CABLES1: variants seen among roughly 807,000 people sequenced by gnomAD.
The protein encoded by CABLES1 is CDK5 and ABL1 enzyme substrate 1.
In CABLES1, 36 loss-of-function variants were observed where a neutral mutation model predicts 57.8. That is an observed-to-expected ratio of 0.62 (90% confidence interval 0.48 to 0.82). CABLES1 has a LOEUF of 0.82. Among genes scored for constraint, CABLES1 ranks in the 40% least tolerant of loss-of-function variants. The probability of loss-of-function intolerance (pLI) is 0.00; values close to 1 mark genes in which losing one functional copy is unlikely to be tolerated. For missense variants in CABLES1, 767 were observed against 836.6 expected, an observed-to-expected ratio of 0.92 and a Z score of 1.03; for synonymous variants, 374 against 363.0, an observed-to-expected ratio of 1.03 and a Z score of -0.35.
At chr18:23,186,571 A>G (rs1289235189) in intron 1 of CABLES1, among the ~76,000 whole-genome samples, 1 of 151,882 alleles carries the variant, frequency 6.6e-6, no homozygotes, top group Non-Finnish European at 1.5e-5. Context: ...GATTACAAGC[A>G]TGCACCACCA....
intron 2 of CABLES1, among the ~76,000 whole-genome samples, chr18:23,192,467 G>C (rs2047251159): frequency 6.6e-6 from 1 of 152,220 alleles, no homozygotes; most frequent in Admixed American, 6.5e-5. Context: ...TCCTTCGTCT[G>C]TGCTGGCGTC....
At chr18:23,181,687 G>A (rs2047168121) in intron 1 of CABLES1, among the ~76,000 whole-genome samples, 1 of 152,100 alleles carries the variant, frequency 6.6e-6, no homozygotes, top group Admixed American at 6.6e-5. Context: ...GCCAAGCATG[G>A]TCCCTTCCTA....
chr18:23,219,083 C>T, intron 4 of CABLES1: 1 of 425,818 alleles, frequency 2.3e-6, no homozygotes, highest in Non-Finnish European at 4.8e-6. Flanking sequence ...CAGCATGCCA[C>T]CTATGTGGAG....
chr18:23,214,406 C>G (rs139361421), intron 4 of CABLES1, among the ~76,000 whole-genome samples: 45 of 152,102 alleles, frequency 3.0e-4, no homozygotes, highest in Admixed American at 7.9e-4. Context: ...CAGAACAAAC[C>G]CTGTGACCAT....
intron 3 of CABLES1, among the ~76,000 whole-genome samples, chr18:23,210,688 G>C (rs990455311): frequency 6.6e-6 from 1 of 152,176 alleles, no homozygotes; most frequent in Non-Finnish European, 1.5e-5. Context: ...ATCACTTGCT[G>C]CTACTTGCCT....
At chr18:23,254,546 T>C (rs913542665) in intron 9 of CABLES1, among the ~76,000 whole-genome samples, 3 of 152,202 alleles carry the variant, frequency 2.0e-5, no homozygotes, top group African/African-American at 4.8e-5. Flanking sequence ...AGAGGAGTAG[T>C]ATCTTGGCTG....
At chr18:23,157,712 C>A (rs2046974991) in intron 1 of CABLES1, among the ~76,000 whole-genome samples, 1 of 152,146 alleles carries the variant, frequency 6.6e-6, no homozygotes, top group Non-Finnish European at 1.5e-5. Flanking sequence ...AGATGAAAAT[C>A]AGCATAGTAG....
At chr18:23,169,591 A>C (rs1468446618) in intron 1 of CABLES1, among the ~76,000 whole-genome samples, 1 of 152,368 alleles carries the variant, frequency 6.6e-6, no homozygotes, top group East Asian at 1.9e-4. Context: ...CCCCAGCTCA[A>C]CCAAGGCATT....
chr18:23,217,892 G>A (rs953281748), intron 4 of CABLES1, among the ~76,000 whole-genome samples: 3 of 152,232 alleles, frequency 2.0e-5, no homozygotes, highest in Non-Finnish European at 2.9e-5. Flanking sequence ...ACAGTGGGGC[G>A]AAGCTCACCC....
rs371040562 is a variant in CABLES1 at position 23,208,390 on chromosome 18, C to T, written c.1011-5587C>T. On this transcript the variant is annotated intron_variant, in intron 3 of 9. Coordinates refer to ENST00000256925, the MANE Select transcript of CABLES1 (RefSeq NM_001100619.3). ...ATTTTGTTGGTGGTGGTGGTGTTTT[C>T]GTTCAGCTCTCATTATGCCATTGCC... Among the ~76,000 whole-genome samples the T allele has an allele frequency of 4.4e-3, 673 of 152,282 alleles. 3 individuals carry two copies. The highest frequency in any genetic ancestry group is 9.6e-3 in the African/African-American group (400 of 41,570).
At position 23,203,419 on chromosome 18, in the gene CABLES1, G is replaced by T. The variant is rs1164619579; in HGVS notation, c.1010+8879G>T. ...TGGAAGTGGATAAAGAACTGAGCCA[G>T]AGTGTTTTCTCTTTAAAGTATGAAC... On this transcript the variant is annotated intron_variant, in intron 3 of 9. Transcript: ENST00000256925. Among the ~76,000 whole-genome samples the T allele has an allele frequency of 7.3e-5, 11 of 151,392 alleles. No individual in the cohort carries two copies. The East Asian group carries it at 9.8e-4, about 13-fold the overall frequency.
At chr18:23,245,995 C>T (rs921929597) in intron 7 of CABLES1, among the ~76,000 whole-genome samples, 5 of 152,164 alleles carry the variant, frequency 3.3e-5, no homozygotes, top group Admixed American at 6.5e-5. Context: ...CGGCCGGGCA[C>T]GGTGGCTCAC....
intron 9 of CABLES1, 51 bp downstream of exon 9, chr18:23,253,987 G>T: frequency 6.6e-7 from 1 of 1,526,038 alleles, no homozygotes; most frequent in Non-Finnish European, 9.1e-7. Context: ...CCGGTCCGGG[G>T]TTCCTCTCTC....
intron 2 of CABLES1, among the ~76,000 whole-genome samples, chr18:23,193,996 C>A (rs1307939400): frequency 6.6e-6 from 1 of 152,086 alleles, no homozygotes; most frequent in African/African-American, 2.4e-5. Flanking sequence ...GTAATTCAGG[C>A]CAAAATCTTG....
intron 2 of CABLES1, among the ~76,000 whole-genome samples, chr18:23,194,052 C>T (rs966851638): frequency 1.3e-5 from 2 of 152,110 alleles, no homozygotes; most frequent in Admixed American, 6.5e-5. Flanking sequence ...CTGAATTTTC[C>T]GATGTTTCCC....
intron 1 of CABLES1, among the ~76,000 whole-genome samples, chr18:23,187,069 G>A (rs187951360): frequency 7.9e-4 from 121 of 152,288 alleles, no homozygotes; most frequent in African/African-American, 2.6e-3. Context: ...GGGGCTGTGC[G>A]GGGAAGTCCT....
At chr18:23,221,185 C>T (rs1598837548) in intron 4 of CABLES1, among the ~76,000 whole-genome samples, 1 of 152,226 alleles carries the variant, frequency 6.6e-6, no homozygotes, top group African/African-American at 2.4e-5. Flanking sequence ...ATCACAGTAC[C>T]AGGCATGTCT....
At chr18:23,139,226 A>C (rs1404866298) in intron 1 of CABLES1, among the ~76,000 whole-genome samples, 1 of 151,882 alleles carries the variant, frequency 6.6e-6, no homozygotes, top group Non-Finnish European at 1.5e-5. Flanking sequence ...ACATGGTGAA[A>C]CCCCATCTCT....
intron 1 of CABLES1, among the ~76,000 whole-genome samples, chr18:23,172,739 G>T (rs74965431): frequency 6.6e-6 from 1 of 152,176 alleles, no homozygotes; most frequent in Non-Finnish European, 1.5e-5. Context: ...CAGCTCTCAT[G>T]CTGCAAATTC....
Sources: gnomAD v4.1 joint callset for allele counts (sites outside exome capture counted in the v4.1 genomes callset) on GRCh38, gnomAD v4.1.1 for gene constraint, MANE v1.5 for transcripts, NCBI Gene and HGNC (gene_info 2026-07-23, HGNC 2026-07-21) for gene names.